NELL1: variants seen among roughly 807,000 people sequenced by gnomAD.
The protein encoded by NELL1 is neural EGFL like 1.
NELL1 carries 76 observed loss-of-function variants against 107.4 expected under a neutral mutation model. The ratio of observed to expected loss-of-function variants is 0.71; its 90% confidence interval spans 0.59 to 0.86. The LOEUF (loss-of-function observed/expected upper bound fraction) is 0.86, where lower values mean the gene tolerates loss of function less well. NELL1 is among the 40% of genes least tolerant of loss of function. NELL1 has a pLI of 0.00. For missense variants in NELL1, 1,024 were observed against 1,005.5 expected (o/e 1.02, Z -0.25); for synonymous variants, 353 against 341.2 (o/e 1.03, Z -0.38).
At chr11:21,551,567 C>T (rs1856585189) in intron 16 of NELL1, among the ~76,000 whole-genome samples, 2 of 151,484 alleles carry the variant, frequency 1.3e-5, no homozygotes, top group Admixed American at 1.3e-4. Flanking sequence ...CAGAGAAATG[C>T]AAATCAAAAC....
chr11:20,910,132 T>G (rs1393594884), intron 5 of NELL1, among the ~76,000 whole-genome samples: 1 of 152,292 alleles, frequency 6.6e-6, no homozygotes, highest in Admixed American at 6.5e-5. Flanking sequence ...CCATGGTGAT[T>G]AACTCCTGGC....
At chr11:21,360,937 G>A (rs1342609569) in intron 14 of NELL1, among the ~76,000 whole-genome samples, 2 of 152,096 alleles carry the variant, frequency 1.3e-5, no homozygotes, top group African/African-American at 2.4e-5. Context: ...TTTAAGTGGG[G>A]CATTTACGCC....
chr11:20,912,613 A>G (rs1424429497), intron 5 of NELL1, among the ~76,000 whole-genome samples: 2 of 152,166 alleles, frequency 1.3e-5, no homozygotes, highest in African/African-American at 4.8e-5. Flanking sequence ...ACAGAGGCCA[A>G]GGCTCTCCTG....
At chr11:20,961,234 G>C (rs565039271) in intron 12 of NELL1, among the ~76,000 whole-genome samples, 15 of 152,282 alleles carry the variant, frequency 9.9e-5, no homozygotes. Context: ...CCTGCTAGTG[G>C]TGAGCATTGC....
At chr11:20,735,654 C>A (rs11025735) in intron 2 of NELL1, among the ~76,000 whole-genome samples, 18,203 of 152,090 alleles carry the variant, frequency 0.12, 1,172 homozygotes, top group Non-Finnish European at 0.15. Flanking sequence ...TTGACTGGAA[C>A]AGTTTCAATG....
chr11:21,125,189 T>C (rs1355521880), intron 13 of NELL1, among the ~76,000 whole-genome samples: 1 of 152,164 alleles, frequency 6.6e-6, no homozygotes, highest in East Asian at 1.9e-4. Flanking sequence ...GTCCAGATTT[T>C]TCTGGATCAG....
intron 15 of NELL1, among the ~76,000 whole-genome samples, chr11:21,477,098 T>C (rs966827017): frequency 6.6e-6 from 1 of 152,134 alleles, no homozygotes; most frequent in African/African-American, 2.4e-5. Flanking sequence ...TAGTGGGACA[T>C]GTGATGTAGT....
chr11:20,756,565 G>A (rs553287173), intron 2 of NELL1, among the ~76,000 whole-genome samples: 372 of 130,738 alleles, frequency 2.8e-3, no homozygotes, highest in African/African-American at 0.01. Flanking sequence ...GTTTCACCAT[G>A]CTAGCCAGGA....
intron 13 of NELL1, among the ~76,000 whole-genome samples, chr11:21,134,111 G>A (rs1202333740): frequency 1.3e-5 from 2 of 152,202 alleles, no homozygotes; most frequent in Non-Finnish European, 2.9e-5. Context: ...ATGACTTTGG[G>A]GAAGACACTT....
At chr11:20,891,065 C>T (rs1849607258) in intron 5 of NELL1, among the ~76,000 whole-genome samples, 1 of 152,130 alleles carries the variant, frequency 6.6e-6, no homozygotes, top group African/African-American at 2.4e-5. Flanking sequence ...TCATCAGCTT[C>T]ACGAAGGTTG....
chr11:20,897,971 G>C (rs1849785967), intron 5 of NELL1, among the ~76,000 whole-genome samples: 1 of 152,162 alleles, frequency 6.6e-6, no homozygotes, highest in Admixed American at 6.5e-5. Context: ...CACTGTTGGT[G>C]GGACCGTAAA....
chr11:21,182,141 A>C (rs2133825014), intron 13 of NELL1, among the ~76,000 whole-genome samples: 1 of 151,976 alleles, frequency 6.6e-6, no homozygotes, highest in East Asian at 1.9e-4. Context: ...GCTCTTAAGA[A>C]AATGAGCTCC....
intron 7 of NELL1, among the ~76,000 whole-genome samples, chr11:20,922,947 T>A (rs953523958): frequency 6.6e-6 from 1 of 152,164 alleles, no homozygotes; most frequent in African/African-American, 2.4e-5. Context: ...CTGCTGTTTA[T>A]ACTCTTAAAC....
chr11:21,178,596 A>C (rs1174283561), intron 13 of NELL1, among the ~76,000 whole-genome samples: 5 of 151,378 alleles, frequency 3.3e-5, no homozygotes, highest in Non-Finnish European at 5.9e-5. Context: ...GTGAAACCTC[A>C]TCTCTACAAA....
At chr11:21,438,459 C>G (rs550968650) in intron 15 of NELL1, among the ~76,000 whole-genome samples, 1 of 152,122 alleles carries the variant, frequency 6.6e-6, no homozygotes, top group African/African-American at 2.4e-5. Context: ...TGTTTTGAAA[C>G]TACTTGGGGA....
chr11:21,405,543 G>A (rs576496298), intron 15 of NELL1, among the ~76,000 whole-genome samples: 6 of 152,100 alleles, frequency 3.9e-5, no homozygotes, highest in South Asian at 2.1e-4. Context: ...CCATAAGAAA[G>A]TTGGCCAAAA....
At chr11:21,521,793 A>G (rs534673746) in intron 15 of NELL1, among the ~76,000 whole-genome samples, 1 of 152,172 alleles carries the variant, frequency 6.6e-6, no homozygotes, top group African/African-American at 2.4e-5. Flanking sequence ...TATTAATAAT[A>G]GCCATTCTGA....
intron 14 of NELL1, among the ~76,000 whole-genome samples, chr11:21,266,731 C>G (rs989786172): frequency 6.6e-6 from 1 of 152,050 alleles, no homozygotes; most frequent in African/African-American, 2.4e-5. Context: ...TCCTCTTGAT[C>G]TTAGTGGCAT....
At chr11:21,526,174 A>G (rs1365958489) in intron 15 of NELL1, among the ~76,000 whole-genome samples, 1 of 152,228 alleles carries the variant, frequency 6.6e-6, no homozygotes, top group Non-Finnish European at 1.5e-5. Context: ...TGGCCAAAAC[A>G]AAGAGACTAC....
Sources: allele counts gnomAD v4.1 joint callset (sites outside exome capture counted in the v4.1 genomes callset), GRCh38; gene constraint gnomAD v4.1.1; transcripts MANE v1.5; gene names NCBI Gene and HGNC (gene_info 2026-07-23, HGNC 2026-07-21).